The following DDHD2 variants were observed in gnomAD, a reference collection of about 807,000 sequenced individuals.
DDHD2 encodes triacylglycerol hydrolase DDHD2.
In DDHD2, 62 loss-of-function variants were observed where a neutral mutation model predicts 91.2. The ratio of observed to expected loss-of-function variants is 0.68; its 90% CI spans 0.55 to 0.84. The LOEUF (loss-of-function observed/expected upper bound fraction) is 0.84, where lower values mean the gene tolerates loss of function less well. DDHD2 is among the 40% of genes least tolerant of loss of function. The pLI, the probability that DDHD2 is intolerant of heterozygous loss-of-function variation, is 0.00. For synonymous variants in DDHD2, 271 were observed against 293.9 expected, an observed-to-expected ratio of 0.92 and a Z score of 0.80; for missense variants, 740 against 846.9, an observed-to-expected ratio of 0.87 and a Z score of 1.57.
downstream of DDHD2, chr8:38,264,289 G>A (rs921678799): frequency 6.9e-6 from 5 of 719,926 alleles, no homozygotes; most frequent in East Asian, 3.6e-5. Flanking sequence ...CTGGGATTAC[G>A]GCACACAACT....
chr8:38,235,611 C>T (rs1340959638), intron 3 of DDHD2, among the ~76,000 whole-genome samples: 1 of 150,912 alleles, frequency 6.6e-6, no homozygotes, highest in Non-Finnish European at 1.5e-5. Context: ...ATCCCAGCTA[C>T]TTGGGAGGCT....
chr8:38,238,278 T>C, intron 5 of DDHD2, 69 bp downstream of exon 5: 1 of 1,596,824 alleles, frequency 6.3e-7, no homozygotes, highest in Non-Finnish European at 8.5e-7. Flanking sequence ...GTGACCTTTT[T>C]CTGTGGATTT....
rs764697574 is a variant in DDHD2, at chr8:38,260,935, A to G, written c.*362A>G. The G allele has an allele frequency of 6.6e-5, 10 of 152,156 alleles. No individual in the cohort carries two copies. The highest frequency in any genetic ancestry group is 1.3e-4 in the Non-Finnish European group (9 of 68,032). The allele number at this position is 152,156 out of a possible 1,614,324, so 9.4% of individuals were successfully genotyped here. On this transcript the variant is annotated 3_prime_UTR_variant, in exon 18 of 18. Coordinates refer to ENST00000397166, the MANE Select transcript of DDHD2 (RefSeq NM_015214.3). ...GGGTTTGATTTGTTTTGGGTGGGGT[A>G]GACATGTTTTTAAGGAACTTATTGC...
At chr8:38,270,144 T>C (rs1397596225) in intron 1 of DDHD2, 3 of 152,196 alleles carry the variant, frequency 2.0e-5, no homozygotes, top group Non-Finnish European at 4.4e-5. Flanking sequence ...TCCCTTAGTG[T>C]CAAGAGCTTC....
intron 3 of DDHD2, among the ~76,000 whole-genome samples, chr8:38,234,850 C>T (rs1275240464): frequency 6.6e-6 from 1 of 151,856 alleles, no homozygotes; most frequent in Non-Finnish European, 1.5e-5. Context: ...TCACTGCAAC[C>T]TCCACCTCCC....
At chr8:38,233,674 A>C (rs556756469) in intron 2 of DDHD2, among the ~76,000 whole-genome samples, 2 of 151,426 alleles carry the variant, frequency 1.3e-5, no homozygotes, top group African/African-American at 2.4e-5. Context: ...CACACCTGTA[A>C]TCCCAGCACT....
At chr8:38,266,110 CA>C (rs1290763603), downstream of DDHD2, 1 of 1,601,904 alleles carries the variant, frequency 6.2e-7, no homozygotes, top group African/African-American at 1.3e-5. Flanking sequence ...GTGAAATATG[CA>C]AGCTTCCATA....
At chr8:38,264,762 C>A, downstream of DDHD2, 1 of 1,456,506 alleles carries the variant, frequency 6.9e-7, no homozygotes, top group Non-Finnish European at 9.1e-7. Flanking sequence ...TCTTTTTATT[C>A]TCAATTTTAT....
intron 1 of DDHD2, 104 bp from the exon 2 acceptor site, chr8:38,232,883 T>C (rs1358021028): frequency 1.5e-6 from 1 of 681,982 alleles, no homozygotes; most frequent in African/African-American, 1.8e-5. Flanking sequence ...GTTGTTGTTG[T>C]TGTTGCAGAA....
intron 16 of DDHD2, among the ~76,000 whole-genome samples, chr8:38,258,217 T>C (rs1389896843): frequency 3.9e-5 from 6 of 152,140 alleles, no homozygotes; most frequent in Admixed American, 3.9e-4. Flanking sequence ...CTCAACACTA[T>C]TAATAGATTT....
At chr8:38,248,857 A>T in intron 10 of DDHD2, among the ~76,000 whole-genome samples, 1 of 149,782 alleles carries the variant, frequency 6.7e-6, no homozygotes, top group East Asian at 2.1e-4. Context: ...AGGCAGGAGA[A>T]TCGCTTGAAC....
Position 38,233,213 on chromosome 8 carries a change from T to C in DDHD2, c.219T>C (p.Ser73=). 1 of 1,608,746 alleles carries C rather than the reference T, an allele frequency of 6.2e-7. No homozygotes were observed. Among genetic ancestry groups the C allele is most frequent in the African/African-American group, 1.3e-5 (1 of 74,850 alleles). Residue 73 remains serine (S), a splice_region_variant and synonymous_variant, in exon 2 of 18, where the codon TCT becomes TCC. Coordinates refer to ENST00000397166, the MANE Select transcript of DDHD2 (RefSeq NM_015214.3). ...DSQQLEEAYS[S]GKGCNGRVVP... Reference sequence around the variant, plus strand: ...AGCAGCTGGAAGAGGCATATAGCTCTGGTAGGTGAAAATTATGACTTGGAA... The same window carrying C: ...AGCAGCTGGAAGAGGCATATAGCTCCGGTAGGTGAAAATTATGACTTGGAA...
In DDHD2 at chr8:38,249,598, A is replaced by C. The variant is rs1025571201; in HGVS notation, c.1249-110A>C. On this transcript the variant is annotated intron_variant, in intron 10 of 17. Coordinates refer to ENST00000397166, the MANE Select transcript of DDHD2 (RefSeq NM_015214.3). ...TCTGGAAGTTATTCTATGATGTTTT[A>C]CTACTAGAGAGACAGGCAGCAACAG... is the stretch of plus-strand genomic sequence containing the variant. 8 of 522,996 alleles carry C rather than the reference A, an allele frequency of 1.5e-5. No homozygotes were observed. In the Admixed American group the frequency reaches 2.6e-4, roughly 17 times the overall value. 32.4% of individuals were successfully genotyped at this position (522,996 alleles called of 1,614,324 possible). A position where few individuals can be genotyped will look rare whatever the true frequency, so the allele number is the denominator to read the frequency against.
At chr8:38,267,292 CT>C (rs1807773067), downstream of DDHD2, 1 of 1,613,892 alleles carries the variant, frequency 6.2e-7, no homozygotes, top group African/African-American at 1.3e-5. Flanking sequence ...TGGGGAAGCT[CT>C]TTCGGCCCTC....
At chr8:38,266,567 A>AT (rs1360596189), downstream of DDHD2, 4 of 315,476 alleles carry the variant, frequency 1.3e-5, no homozygotes, top group Non-Finnish European at 1.2e-5. Flanking sequence ...TGCCCAGCTA[A>AT]TTTTTTTATT....
At position 38,238,140 on chromosome 8, in the gene DDHD2, C is replaced by A; in HGVS notation, c.553C>A (p.Pro185Thr). 6.2e-7 allele frequency: 1 copy of A among 1,613,872 alleles called. No individual in the cohort carries two copies. Among genetic ancestry groups the A allele is most frequent in the Non-Finnish European group, 8.5e-7 (1 of 1,179,922 alleles). The change falls in exon 5 of 18, where the codon CCC becomes ACC. Residue 185 changes from proline (P) to threonine (T), a missense_variant. By Grantham distance (38) the Pro-to-Thr change is conservative. Around this residue, in one of 2 missense-constraint regions of DDHD2, gnomAD observed 693 missense variants for 764.2 expected, o/e 0.91. Transcript: ENST00000397166. ...AGGGTCTGATGATTGGGGTTCAACA[C>A]CCACGGAGCAGGGTCGACCAAGAAC... Reference protein sequence around the residue: ...VAGSDDWGSTPTEQGRPRTVK... With the variant: ...VAGSDDWGSTTTEQGRPRTVK...
At chr8:38,267,424 C>A, downstream of DDHD2, 3 of 1,603,276 alleles carry the variant, frequency 1.9e-6, no homozygotes, top group Non-Finnish European at 1.7e-6. Context: ...GAACGTAAAT[C>A]ATTAACTCCA....
downstream of DDHD2, chr8:38,271,772 T>C (rs1808490321): frequency 6.6e-6 from 1 of 152,230 alleles, no homozygotes; most frequent in East Asian, 1.9e-4. Flanking sequence ...TTTTCTCATA[T>C]GGAAGTATAG....
chr8:38,252,158 C>G lies in DDHD2; in HGVS notation c.1488C>G (p.Ile496Met). 6.2e-7 allele frequency: 1 copy of G among 1,614,064 alleles called. No homozygotes were observed. Among genetic ancestry groups the G allele is most frequent in the Non-Finnish European group, 8.5e-7 (1 of 1,179,996 alleles). The change falls in exon 13 of 18, where the codon ATC (isoleucine) becomes ATG (methionine). Residue 496 changes from isoleucine to methionine, a missense_variant. Transcript: ENST00000397166. ...GQVSVKYPRL[I>M]YKPEIFFAFG... is the part of the protein sequence containing the mutation. Reference sequence around the variant, plus strand: ...TGTCTGTGAAATACCCCCGGCTCATCTATAAACCAGAGATATTCTTTGCCT... The same window carrying G: ...TGTCTGTGAAATACCCCCGGCTCATGTATAAACCAGAGATATTCTTTGCCT...
Sources: gnomAD v4.1 joint callset for allele counts (sites outside exome capture counted in the v4.1 genomes callset) on GRCh38, gnomAD v4.1.1 for gene constraint, gnomAD v4.1.1 regional missense constraint, MANE v1.5 for transcripts, NCBI Gene and HGNC (gene_info 2026-07-23, HGNC 2026-07-21) for gene names.